TASP1: variants seen among roughly 807,000 people sequenced by gnomAD.
TASP1 encodes threonine aspartase 1.
Under a neutral mutation model 56.6 loss-of-function variants are expected in TASP1, and 16 were observed. That is an observed-to-expected ratio of 0.28 (90% CI 0.19 to 0.43). The LOEUF (loss-of-function observed/expected upper bound fraction) is 0.43, where lower values mean the gene tolerates loss of function less well. Among genes scored for constraint, TASP1 ranks in the 20% least tolerant of loss-of-function variants. The pLI is 1.00. For synonymous variants in TASP1, 179 were observed against 184.2 expected (o/e 0.97, Z 0.23); for missense variants, 393 against 511.6 (o/e 0.77, Z 2.24).
chr20:13,311,700 T>C, the TASP1 span, among the ~76,000 whole-genome samples: 2 of 152,176 alleles, frequency 1.3e-5, no homozygotes, highest in Non-Finnish European at 2.9e-5. Context: ...AGACAAATTC[T>C]GCGTGATCTC....
chr20:13,558,163 C>T (rs2046226612), intron 8 of TASP1, among the ~76,000 whole-genome samples: 1 of 151,850 alleles, frequency 6.6e-6, no homozygotes, highest in African/African-American at 2.4e-5. Context: ...AAGGACAAAA[C>T]AGTATCTAAG....
At chr20:13,339,029 G>A in the TASP1 span, among the ~76,000 whole-genome samples, 2 of 152,126 alleles carry the variant, frequency 1.3e-5, no homozygotes, top group African/African-American at 4.8e-5. Context: ...TACATCATAG[G>A]AAAGGAAAAG....
chr20:13,289,283 G>A, the TASP1 span, among the ~76,000 whole-genome samples: 1 of 152,158 alleles, frequency 6.6e-6, no homozygotes. Flanking sequence ...AGAAACAGAA[G>A]GCAGACACTC....
At chr20:13,474,574 T>C (rs1303988229) in intron 11 of TASP1, among the ~76,000 whole-genome samples, 1 of 152,238 alleles carries the variant, frequency 6.6e-6, no homozygotes, top group African/African-American at 2.4e-5. Context: ...TTTGCAATTA[T>C]AAATTGTGCT....
At chr20:13,268,698 G>T in the TASP1 span, among the ~76,000 whole-genome samples, 1 of 152,034 alleles carries the variant, frequency 6.6e-6, no homozygotes, top group African/African-American at 2.4e-5. Context: ...ATTCAGAGGC[G>T]GTCTCTGAAC....
At chr20:13,498,774 A>G (rs1410039946) in intron 10 of TASP1, among the ~76,000 whole-genome samples, 1 of 146,890 alleles carries the variant, frequency 6.8e-6, no homozygotes, top group African/African-American at 2.6e-5. Flanking sequence ...CACACCAGTT[A>G]GAATGGCTAT....
Position 13,435,148 on chromosome 20 carries a change from G to T in TASP1, c.992C>A (p.Pro331His), listed in dbSNP as rs1369942260. The T allele has an allele frequency of 6.2e-7, 1 of 1,600,522 alleles. No individual in the cohort carries two copies. Among genetic ancestry groups the T allele is most frequent in the East Asian group, 2.3e-5 (1 of 44,210 alleles). The change falls in exon 12 of 14, where the codon CCT becomes CAT. Residue 331 changes from proline to histidine, a missense_variant. Transcript: ENST00000337743. ...CACGCCATCTTCACTGGCAAGGAAA[G>T]GTGAACCTAGGCAGAAAGGACTAGT... ...ETMQNKFISSPFLASEDGVLG... is the reference protein window; with the variant it reads ...ETMQNKFISSHFLASEDGVLG...
At chr20:13,347,698 G>A in the TASP1 span, among the ~76,000 whole-genome samples, 2 of 152,124 alleles carry the variant, frequency 1.3e-5, no homozygotes, top group East Asian at 3.9e-4. Flanking sequence ...AAATTAGCTG[G>A]GTGTTTTGTG....
At chr20:13,386,298 A>AT (rs1225280571), downstream of TASP1, among the ~76,000 whole-genome samples, 2 of 152,198 alleles carry the variant, frequency 1.3e-5, no homozygotes, top group Non-Finnish European at 2.9e-5. Context: ...ATATAGCACC[A>AT]TTTTTTGTGT....
At chr20:13,342,672 T>A in the TASP1 span, among the ~76,000 whole-genome samples, 1 of 152,202 alleles carries the variant, frequency 6.6e-6, no homozygotes, top group Non-Finnish European at 1.5e-5. Context: ...AGCCCTCAGA[T>A]GACGCTGGGC....
chr20:13,115,818 G>A, the TASP1 span, among the ~76,000 whole-genome samples: 1 of 152,090 alleles, frequency 6.6e-6, no homozygotes, highest in Non-Finnish European at 1.5e-5. Flanking sequence ...TCAAGTGATT[G>A]TTATAAAGAC....
At chr20:13,277,417 C>CTACAAGCAGAGGG in the TASP1 span, among the ~76,000 whole-genome samples, 1 of 151,794 alleles carries the variant, frequency 6.6e-6, no homozygotes, top group African/African-American at 2.4e-5. Context: ...TCAGTTCCCT[C>CTACAAGCAGAGGG]AGATGGGGCT....
chr20:13,118,100 A>G, the TASP1 span, among the ~76,000 whole-genome samples: 1 of 152,178 alleles, frequency 6.6e-6, no homozygotes, highest in South Asian at 2.1e-4. Flanking sequence ...AGAGAGAATA[A>G]TGTATACCAA....
the TASP1 span, among the ~76,000 whole-genome samples, chr20:13,340,346 G>T: frequency 3.9e-5 from 6 of 152,236 alleles, no homozygotes; most frequent in East Asian, 1.2e-3. Context: ...ACCTCCAGAT[G>T]TTTTATCAAG....
At chr20:13,355,350 G>A in the TASP1 span, among the ~76,000 whole-genome samples, 2 of 152,198 alleles carry the variant, frequency 1.3e-5, no homozygotes, top group East Asian at 3.9e-4. Flanking sequence ...TTGCTGAGAG[G>A]ACTCATAAAT....
the TASP1 span, among the ~76,000 whole-genome samples, chr20:13,181,410 T>A: frequency 3.3e-5 from 5 of 152,166 alleles, no homozygotes; most frequent in Non-Finnish European, 5.9e-5. Context: ...CAAATCCTTG[T>A]CCCTGGGTCT....
At chr20:13,272,572 G>C in the TASP1 span, among the ~76,000 whole-genome samples, 23 of 152,194 alleles carry the variant, frequency 1.5e-4, no homozygotes, top group Admixed American at 1.2e-3. Flanking sequence ...TGATGGCACA[G>C]AGTGACAAAT....
Position 13,569,492 on chromosome 20 carries a change from T to A in TASP1, c.568+15A>T, listed in dbSNP as rs1176973312. 1.9e-6 allele frequency: 3 copies of A among 1,607,932 alleles called. No individual in the cohort carries two copies. Among genetic ancestry groups the A allele is most frequent in the Admixed American group, 1.7e-5 (1 of 59,862 alleles). On this transcript the variant is annotated intron_variant, in intron 7 of 13. Coordinates refer to ENST00000337743, the MANE Select transcript of TASP1 (RefSeq NM_017714.3). ...TATGCTCATATAGCTTAATTTTTTTTAAGTTTTTACTCACTTGTGGTCATG... is the reference window on the plus strand; with the variant it reads ...TATGCTCATATAGCTTAATTTTTTTAAAGTTTTTACTCACTTGTGGTCATG...
At chr20:13,406,670 T>C (rs1054199096) in intron 13 of TASP1, among the ~76,000 whole-genome samples, 887 of 39,568 alleles carry the variant, frequency 0.022, 5 homozygotes, top group East Asian at 0.046. Context: ...GGTTTTTTCT[T>C]TTTTTTTTTT....
Sources: allele counts gnomAD v4.1 joint callset (sites outside exome capture counted in the v4.1 genomes callset), GRCh38; gene constraint gnomAD v4.1.1; transcripts MANE v1.5; gene names NCBI Gene and HGNC (gene_info 2026-07-23, HGNC 2026-07-21).